NOTCH1: variants seen among roughly 807,000 people sequenced by gnomAD.
NOTCH1 encodes the protein neurogenic locus notch homolog protein 1.
A neutral mutation model predicts 254.8 loss-of-function variants in NOTCH1; 37 were observed. The ratio of observed to expected loss-of-function variants is 0.15; its 90% CI spans 0.11 to 0.19. NOTCH1 has a LOEUF of 0.19. Ranked by LOEUF, NOTCH1 falls within the 10% of genes least tolerant of loss-of-function variation. The pLI, the probability that NOTCH1 is intolerant of heterozygous loss-of-function variation, is 1.00. For missense variants in NOTCH1, 2,972 were observed against 3,708.6 expected (o/e 0.80, Z 5.16); for synonymous variants, 1,731 against 1,618.1 (o/e 1.07, Z -1.68).
In NOTCH1 at chr9:136,509,222, G is replaced by A. The variant is rs1843138804; in HGVS notation, c.2970-151C>T. The A allele has an allele frequency of 6.9e-6, 5 of 722,848 alleles. No individual in the cohort carries two copies. The South Asian group carries it at 9.0e-5, about 13-fold the overall frequency. 44.8% of individuals were successfully genotyped at this position (722,848 alleles called of 1,614,324 possible). ...CAGGGCAGCCTGGCTGACCCAGGGA[G>A]GCCAGTGGGAACCCGGGGCCCGGCT... On this transcript the variant is annotated intron_variant, in intron 18 of 33. Coordinates refer to ENST00000651671, the MANE Select transcript of NOTCH1 (RefSeq NM_017617.5).
rs1250873066 is a variant in NOTCH1 at position 136,504,638 on chromosome 9, G to T, written c.5018+35C>A. 25 of 1,483,662 alleles carry T rather than the reference G, an allele frequency of 1.7e-5. 1 individual carries two copies. Among genetic ancestry groups the T allele is most frequent in the South Asian group, 8.2e-5 (6 of 73,508 alleles). 91.9% of individuals were successfully genotyped at this position (1,483,662 alleles called of 1,614,324 possible). ...CCGTCGGGGAGGGCCCAGGAGAGTT[G>T]CGGGGATTGACCGTGGGCGCCGGGT... On this transcript the variant is annotated intron_variant, in intron 26 of 33. Coordinates refer to ENST00000651671, the MANE Select transcript of NOTCH1 (RefSeq NM_017617.5).
chr9:136,511,427 C>A (rs1356091456), intron 15 of NOTCH1, among the ~76,000 whole-genome samples, 156 bp from the exon 16 acceptor site: 2 of 152,154 alleles, frequency 1.3e-5, no homozygotes, highest in Non-Finnish European at 2.9e-5. Context: ...CCCGGCTGTG[C>A]CAGGACCCTG....
At position 136,503,317 on chromosome 9, in the gene NOTCH1, G is replaced by A. The variant is rs932485586; in HGVS notation, c.5032C>T (p.Leu1678=). Residue 1678 remains leucine, a synonymous_variant, in exon 27 of 34, where the codon CTG becomes TTG. Transcript: ENST00000651671. ...ACACACTGCCGGTTGTCAATCTCCA[G>A]GTAGACGATGGAGCTGGGCGGACAA... ...PMDVRGSIVY[L]EIDNRQCVQA... 6.2e-7 allele frequency: 1 copy of A among 1,612,842 alleles called. No homozygotes were observed. Among genetic ancestry groups the A allele is most frequent in the Non-Finnish European group, 8.5e-7 (1 of 1,179,864 alleles).
chr9:136,501,829 G>C lies in NOTCH1; in HGVS notation c.5557C>G (p.Leu1853Val), dbSNP rs371071658. 1 of 1,612,760 alleles carries C rather than the reference G, an allele frequency of 6.2e-7. No individual in the cohort carries two copies. The highest frequency in any genetic ancestry group is 8.5e-7 in the Non-Finnish European group (1 of 1,179,956). ...GTGGGGGCCATGGCAGACATGCGCA[G>C]GTCAGCGGCATCCAGGTGCTGCTGA... ...WTQQHLDAAD[L>V]RMSAMAPTPP... The change falls in exon 30 of 34, where the codon CTG (leucine) becomes GTG (valine). Residue 1853 changes from leucine to valine, a missense_variant. Physicochemically the swap from Leu to Val is conservative, Grantham distance 32 (BLOSUM62 1). Around this residue, in one of 8 missense-constraint regions of NOTCH1, gnomAD observed 421 missense variants for 604.4 expected, o/e 0.70. Transcript: ENST00000651671.
At position 136,506,451 on chromosome 9, in the gene NOTCH1, G is replaced by C; in HGVS notation, c.4014+76C>G. 7.7e-7 allele frequency: 1 copy of C among 1,297,486 alleles called. No homozygotes were observed. The highest frequency in any genetic ancestry group is 1.3e-5 in the South Asian group (1 of 79,064). The allele number at this position is 1,297,486 out of a possible 1,614,324, so 80.4% of individuals were successfully genotyped here. A position where few individuals can be genotyped will look rare whatever the true frequency, so the allele number is the denominator to read the frequency against. On this transcript the variant is annotated intron_variant, in intron 24 of 33. Transcript: ENST00000651671. The surrounding 1 kb of genome is among the most constrained non-coding windows in gnomAD (Gnocchi z 4.5). ...CCGGGAGGATCACTGCCCGGTCTGC[G>C]CCCCGAGGCCCCCACGTGGACCTCT...
At chr9:136,522,638 TG>T in intron 4 of NOTCH1, 1 of 571,882 alleles carries the variant, frequency 1.7e-6, no homozygotes, top group Non-Finnish European at 3.0e-6. Context: ...GGCTGGCACC[TG>T]GACCCTGTGC....
Position 136,545,701 on chromosome 9 carries a change from G to C in NOTCH1, c.61+25C>G. The C allele has an allele frequency of 6.9e-7, 1 of 1,443,112 alleles. No homozygotes were observed. Among genetic ancestry groups the C allele is most frequent in the Non-Finnish European group, 9.1e-7 (1 of 1,103,220 alleles). 89.4% of individuals were successfully genotyped at this position (1,443,112 alleles called of 1,614,324 possible). ...GTTTCCAAAGGGCGCGGAAAGTGGG[G>C]GCTCGCGGGTGGGTGGGCGCCTACC... is the stretch of plus-strand genomic sequence containing the variant. On this transcript the variant is annotated intron_variant, in intron 1 of 33. Transcript: ENST00000651671. The surrounding 1 kb of genome is among the most constrained non-coding windows in gnomAD (Gnocchi z 6.8).
rs1843322858 is a variant in NOTCH1 at position 136,518,928 on chromosome 9, T to C, written c.866-104A>G. ...TGCCGCCCCCTCCAGGAAGCCTTCCTGGGCTGACTCCTCCACCCACCGCCA... is the reference window on the plus strand; with the variant it reads ...TGCCGCCCCCTCCAGGAAGCCTTCCCGGGCTGACTCCTCCACCCACCGCCA... On this transcript the variant is annotated intron_variant, in intron 5 of 33. Coordinates refer to ENST00000651671, the MANE Select transcript of NOTCH1 (RefSeq NM_017617.5). 8 of 946,310 alleles carry C rather than the reference T, an allele frequency of 8.5e-6. No individual in the cohort carries two copies. In the South Asian group the frequency reaches 9.5e-5, roughly 11 times the overall value. 58.6% of individuals were successfully genotyped at this position (946,310 alleles called of 1,614,324 possible).
Position 136,513,595 on chromosome 9 carries a change from G to C in NOTCH1, c.2208-58C>G, listed in dbSNP as rs1843217422. ...GGCCCGAGCAGCACGGCCGGGGCCT[G>C]GGCACTCCCGGGTCTGCAATGCCCT... is the stretch of plus-strand genomic sequence containing the variant. On this transcript the variant is annotated intron_variant, in intron 13 of 33. Transcript: ENST00000651671. The surrounding 1 kb of genome is among the most constrained non-coding windows in gnomAD (Gnocchi z 4.7). 6 of 1,595,448 alleles carry C rather than the reference G, an allele frequency of 3.8e-6. No individual in the cohort carries two copies. The highest frequency in any genetic ancestry group is 5.1e-6 in the Non-Finnish European group (6 of 1,168,924).
Position 136,497,102 on chromosome 9 carries a change from C to T in NOTCH1, c.6637G>A (p.Val2213Met), listed in dbSNP as rs376241938. The T allele has an allele frequency of 1.3e-5, 21 of 1,610,788 alleles. No individual in the cohort carries two copies. The highest frequency in any genetic ancestry group is 4.5e-5 in the East Asian group (2 of 44,842). ...GAGGGCAGCAGTGGCGGCGAGGCCA[C>T]GTCTGACAGGTAGCCATGGGGTGAC... ...LESPHGYLSD[V>M]ASPPLLPSPF... Residue 2213 changes from valine (V) to methionine (M), a missense_variant, in exon 34 of 34, where the codon GTG becomes ATG. Around this residue, in one of 8 missense-constraint regions of NOTCH1, gnomAD observed 529 missense variants for 529.2 expected, o/e 1.00. Transcript: ENST00000651671.
In NOTCH1 at chr9:136,496,824, A is replaced by G. The variant is rs1223420495; in HGVS notation, c.6915T>C (p.Asn2305=). ...GCCGGGACAGCCACTCGCATTGACC[A>G]TTCAAACTGGTGGACCCGCCCACAG... ...NFTVGGSTSL[N]GQCEWLSRLQ... is the part of the protein sequence containing the mutation. The change falls in exon 34 of 34, where the codon AAT becomes AAC. Residue 2305 remains asparagine (N), a synonymous_variant. Coordinates refer to ENST00000651671, the MANE Select transcript of NOTCH1 (RefSeq NM_017617.5). The G allele has an allele frequency of 6.2e-7, 1 of 1,612,812 alleles. No individual in the cohort carries two copies. The highest frequency in any genetic ancestry group is 1.3e-5 in the African/African-American group (1 of 74,930).
chr9:136,539,778 G>A (rs1235601121), intron 2 of NOTCH1, among the ~76,000 whole-genome samples: 1 of 152,180 alleles, frequency 6.6e-6, no homozygotes, highest in East Asian at 1.9e-4. Context: ...TTCCTCCCCT[G>A]GCCACGCCCA....
At position 136,497,191 on chromosome 9, in the gene NOTCH1, G is replaced by T. The variant is rs1842930723; in HGVS notation, c.6548C>A (p.Ser2183Tyr). The change falls in exon 34 of 34, where the codon TCC becomes TAC. Residue 2183 changes from serine (S) to tyrosine (Y), a missense_variant. Transcript: ENST00000651671. ...AKDLKARRKK[S>Y]QDGKGCLLDS... is the part of the protein sequence containing the mutation. ...CAGCAGGCAGCCCTTGCCGTCCTGG[G>T]ACTTCTTCCTCCGTGCCTTGAGGTC... 1.2e-6 allele frequency: 2 copies of T among 1,612,714 alleles called. No individual in the cohort carries two copies. The highest frequency in any genetic ancestry group is 1.7e-6 in the Non-Finnish European group (2 of 1,179,980).
intron 2 of NOTCH1, chr9:136,542,779 G>C (rs1191627070): frequency 6.6e-6 from 1 of 152,168 alleles, no homozygotes; most frequent in Non-Finnish European, 1.5e-5. Context: ...AGGGCGCGCA[G>C]ACTGGCTGGG....
chr9:136,525,028 G>A (rs760368505), intron 2 of NOTCH1, among the ~76,000 whole-genome samples: 30 of 152,194 alleles, frequency 2.0e-4, no homozygotes, highest in Non-Finnish European at 3.2e-4. Context: ...AGGCTGGCCC[G>A]TTCCCTGCCC....
rs901419876 is a variant in NOTCH1 at position 136,494,816 on chromosome 9, T to C, written c.*1255A>G. 14 of 398,558 alleles carry C rather than the reference T, an allele frequency of 3.5e-5. No individual in the cohort carries two copies. Among genetic ancestry groups the C allele is most frequent in the Non-Finnish European group, 5.8e-5 (13 of 226,014 alleles). 24.7% of individuals were successfully genotyped at this position (398,558 alleles called of 1,614,324 possible). A position where few individuals can be genotyped will look rare whatever the true frequency, so the allele number is the denominator to read the frequency against. On this transcript the variant is annotated 3_prime_UTR_variant, in exon 34 of 34. Coordinates refer to ENST00000651671, the MANE Select transcript of NOTCH1 (RefSeq NM_017617.5). ...ACAAAATCCACCTTTAAAAACATAT[T>C]TACAGACATTTTTTCTGCCATAGGC... is the stretch of plus-strand genomic sequence containing the variant.
chr9:136,520,519 C>T (rs971126472), intron 4 of NOTCH1, among the ~76,000 whole-genome samples: 6 of 152,188 alleles, frequency 3.9e-5, no homozygotes, highest in Middle Eastern at 3.4e-3. Context: ...GGATCGCTTG[C>T]GCCCAGGAGT....
intron 2 of NOTCH1, among the ~76,000 whole-genome samples, chr9:136,535,987 G>A (rs1186187820): frequency 2.0e-5 from 3 of 147,160 alleles, no homozygotes; most frequent in African/African-American, 2.5e-5. Flanking sequence ...GGTGCATGGT[G>A]GGTGGGGGGG....
At chr9:136,508,599 G>A (rs1335561642) in intron 19 of NOTCH1, among the ~76,000 whole-genome samples, 2 of 152,170 alleles carry the variant, frequency 1.3e-5, no homozygotes, top group African/African-American at 4.8e-5. Context: ...GACCACCCTC[G>A]GCCTTTGCTA....
Sources: gnomAD v4.1 joint callset for allele counts (sites outside exome capture counted in the v4.1 genomes callset) on GRCh38, gnomAD v4.1.1 for gene constraint, gnomAD v4.1.1 regional missense constraint, Gnocchi (gnomAD v3.1) non-coding constraint, MANE v1.5 for transcripts, NCBI Gene and HGNC (gene_info 2026-07-23, HGNC 2026-07-21) for gene names.